Variants in ZPBP observed in about 807,000 individuals in gnomAD.
ZPBP encodes the protein zona pellucida binding protein, also known as zona pellucida-binding protein 1.
A neutral mutation model predicts 44.8 loss-of-function variants in ZPBP; 26 were observed. The ratio of observed to expected loss-of-function variants is 0.58; its 90% CI spans 0.43 to 0.81. The LOEUF (loss-of-function observed/expected upper bound fraction) is 0.81. ZPBP is among the 30% of genes least tolerant of loss of function. The pLI is 0.00. For synonymous variants in ZPBP, 174 were observed against 153.2 expected, an observed-to-expected ratio of 1.14 and a Z score of -1.00; for missense variants, 409 against 434.0, an observed-to-expected ratio of 0.94 and a Z score of 0.51.
chr7:49,910,371 CA>C (rs1562769488), intron 1 of ZPBP, among the ~76,000 whole-genome samples: 1 of 152,152 alleles, frequency 6.6e-6, no homozygotes, highest in Non-Finnish European at 1.5e-5. Context: ...GATGACTTCA[CA>C]CGCTATAATT....
At chr7:49,930,060 G>A (rs1029830706) in intron 1 of ZPBP, among the ~76,000 whole-genome samples, 1 of 152,184 alleles carries the variant, frequency 6.6e-6, no homozygotes, top group Admixed American at 6.5e-5. Flanking sequence ...AAGTCCTGTA[G>A]AGGGTTTTTC....
intron 6 of ZPBP, among the ~76,000 whole-genome samples, chr7:50,013,931 A>G (rs1798696022): frequency 6.6e-6 from 1 of 152,146 alleles, no homozygotes; most frequent in South Asian, 2.1e-4. Flanking sequence ...TTCAACTTCT[A>G]GAAAAATATT....
At chr7:50,085,629 G>A (rs536144081) in intron 2 of ZPBP, among the ~76,000 whole-genome samples, 4 of 152,216 alleles carry the variant, frequency 2.6e-5, no homozygotes, top group African/African-American at 9.6e-5. Context: ...ATTAAAGGCT[G>A]CCCGTACTTG....
At chr7:50,080,529 T>C (rs1258660157) in intron 3 of ZPBP, among the ~76,000 whole-genome samples, 1 of 151,632 alleles carries the variant, frequency 6.6e-6, no homozygotes, top group Non-Finnish European at 1.5e-5. Context: ...AAGAAAAAAT[T>C]TCAAATTTCA....
chr7:50,063,066 A>G (rs1801328189), intron 3 of ZPBP, among the ~76,000 whole-genome samples: 1 of 152,240 alleles, frequency 6.6e-6, no homozygotes, highest in African/African-American at 2.4e-5. Flanking sequence ...GACATGCATT[A>G]CATCATTTTT....
chr7:49,957,311 G>C (rs1337034570), intron 7 of ZPBP, among the ~76,000 whole-genome samples: 2 of 152,198 alleles, frequency 1.3e-5, no homozygotes, highest in South Asian at 2.1e-4. Context: ...AAGTGGGACT[G>C]TTGCTAAAAC....
chr7:49,904,796 C>T (rs868813420), intron 1 of ZPBP, among the ~76,000 whole-genome samples: 3 of 144,744 alleles, frequency 2.1e-5, no homozygotes, highest in Non-Finnish European at 4.5e-5. Flanking sequence ...AGTGCAGTGG[C>T]GCGATCTCGG....
chr7:49,977,134 T>TAA, intron 7 of ZPBP, among the ~76,000 whole-genome samples: 1 of 151,378 alleles, frequency 6.6e-6, no homozygotes, highest in South Asian at 2.1e-4. Flanking sequence ...AATAAATAAA[T>TAA]AGAAATGTAT....
intron 1 of ZPBP, among the ~76,000 whole-genome samples, chr7:49,922,199 C>T (rs1794046898): frequency 6.6e-6 from 1 of 151,968 alleles, no homozygotes; most frequent in South Asian, 2.1e-4. Flanking sequence ...TAATATCCCA[C>T]GGAATTGACT....
intron 1 of ZPBP, 158 bp downstream of exon 1, chr7:50,092,910 G>A: frequency 8.6e-7 from 1 of 1,158,240 alleles, no homozygotes; most frequent in Non-Finnish European, 1.2e-6. Context: ...GAGTGACTTT[G>A]TACGACTTCC....
chr7:49,939,641 A>G (rs981984493), intron 7 of ZPBP, among the ~76,000 whole-genome samples: 11 of 152,136 alleles, frequency 7.2e-5, no homozygotes, highest in Non-Finnish European at 1.5e-4. Flanking sequence ...AGGAAAATGC[A>G]CTAACCATAA....
chr7:49,974,744 C>T (rs897818255), intron 7 of ZPBP, among the ~76,000 whole-genome samples: 1 of 10,202 alleles, frequency 9.8e-5, no homozygotes, highest in African/African-American at 4.4e-4. Context: ...TGAACTTTGT[C>T]CATACATTTG....
chr7:49,888,879 C>T (rs1165558888), intron 2 of ZPBP, among the ~76,000 whole-genome samples: 1 of 152,026 alleles, frequency 6.6e-6, no homozygotes, highest in Non-Finnish European at 1.5e-5. Flanking sequence ...CCATCACAGT[C>T]TAGCCTGGGG....
chr7:49,864,588 T>A (rs942877153), intron 2 of ZPBP, among the ~76,000 whole-genome samples: 1 of 152,184 alleles, frequency 6.6e-6, no homozygotes, highest in Non-Finnish European at 1.5e-5. Context: ...GGCTGCAGGT[T>A]GTTGTCAGCC....
chr7:49,980,005 A>T (rs866578862), intron 7 of ZPBP, among the ~76,000 whole-genome samples: 1,126 of 96,894 alleles, frequency 0.012, 20 homozygotes, highest in African/African-American at 0.037. Flanking sequence ...ATTATATATT[A>T]TATATATTAT....
chr7:50,081,702 C>G, intron 3 of ZPBP, 72 bp downstream of exon 3: 4 of 1,559,734 alleles, frequency 2.6e-6, no homozygotes, highest in Non-Finnish European at 3.5e-6. Context: ...GTATGAGATA[C>G]AAACATTCTT....
At chr7:49,977,630 T>C (rs966606251) in intron 7 of ZPBP, among the ~76,000 whole-genome samples, 1 of 152,164 alleles carries the variant, frequency 6.6e-6, no homozygotes, top group African/African-American at 2.4e-5. Context: ...TCCATGTGAT[T>C]ATCAAAAGGC....
At chr7:49,859,789 TGC>T (rs1562736638) in intron 2 of ZPBP, among the ~76,000 whole-genome samples, 1 of 49,192 alleles carries the variant, frequency 2.0e-5, no homozygotes, top group Non-Finnish European at 4.0e-5. Context: ...TGCGCGTGCG[TGC>T]ACACACACAC....
chr7:49,978,976 T>G (rs1441577939), intron 7 of ZPBP, among the ~76,000 whole-genome samples: 1 of 152,026 alleles, frequency 6.6e-6, no homozygotes, highest in Admixed American at 6.6e-5. Context: ...AATTATAAAT[T>G]AAAATGTTTA....
Sources: allele counts gnomAD v4.1 joint callset (sites outside exome capture counted in the v4.1 genomes callset), GRCh38; gene constraint gnomAD v4.1.1; transcripts MANE v1.5; gene names NCBI Gene and HGNC (gene_info 2026-07-23, HGNC 2026-07-21).